TRPV3: variants seen among roughly 807,000 people sequenced by gnomAD.
TRPV3 encodes VRL-3.
In TRPV3, 88 loss-of-function variants were observed where a neutral mutation model predicts 87.1. The observed-to-expected ratio is 1.01, with a 90% CI of 0.85 to 1.21. TRPV3 has a LOEUF of 1.21. Among genes scored for constraint, TRPV3 ranks in the 50% most tolerant of loss-of-function variants. The pLI is 0.00. For synonymous variants in TRPV3, 438 were observed against 423.3 expected (o/e 1.03, Z -0.43); for missense variants, 1,054 against 1,030.1 (o/e 1.02, Z -0.32).
At position 3,545,145 on chromosome 17, in the gene TRPV3, T is replaced by A. The variant is rs775786310; in HGVS notation, c.224+22A>T. 8.2e-6 allele frequency: 13 copies of A among 1,582,418 alleles called. No individual in the cohort carries two copies. In the South Asian group the frequency reaches 1.2e-4, roughly 15 times the overall value. ...TGAGGGCTGGGCCCAGGGCAAGGGGTTGGGCTGGGGCCCGTACTCACCACT... is the reference window on the plus strand; with the variant it reads ...TGAGGGCTGGGCCCAGGGCAAGGGGATGGGCTGGGGCCCGTACTCACCACT... On this transcript the variant is annotated intron_variant, in intron 3 of 17. Transcript: ENST00000576742.
chr17:3,539,039 G>A (rs9902951), intron 6 of TRPV3, among the ~76,000 whole-genome samples: 131,811 of 152,198 alleles, frequency 0.87, 59,745 homozygotes, highest in South Asian at 0.99. Context: ...CTGTCTGTCA[G>A]TGGGGGAGTG....
rs2150811747 is a variant in TRPV3 at position 3,557,147 on chromosome 17, G to A, written c.-3+529C>T. Among the ~76,000 whole-genome samples, 1 of 152,244 alleles carries A rather than the reference G, an allele frequency of 6.6e-6. No homozygotes were observed. Among genetic ancestry groups the A allele is most frequent in the South Asian group, 2.1e-4 (1 of 4,828 alleles). ...ACGTTCTCACCTGCTGGACTCTCTT[G>A]TTGCCCTGGCCCTCCCTCTCTCTCC... On this transcript the variant is annotated intron_variant, in intron 1 of 17. Transcript: ENST00000576742. The surrounding 1 kb of genome is among the most constrained non-coding windows in gnomAD (Gnocchi z 4.5).
intron 7 of TRPV3, among the ~76,000 whole-genome samples, chr17:3,534,522 C>T (rs371556867): frequency 8.5e-5 from 13 of 152,274 alleles, no homozygotes; most frequent in Admixed American, 1.3e-4. Flanking sequence ...TTGTGTGTGA[C>T]GGAGCCATTT....
At chr17:3,549,716 TGGATGGATGGATGGA>T (rs958074800) in intron 2 of TRPV3, among the ~76,000 whole-genome samples, 1 of 149,236 alleles carries the variant, frequency 6.7e-6, no homozygotes, top group Admixed American at 6.7e-5. Flanking sequence ...GATGGATGGA[TGGATGGATGGATGGA>T]GGATGGATGG....
chr17:3,535,181 T>C, intron 7 of TRPV3, among the ~76,000 whole-genome samples: 1 of 79,050 alleles, frequency 1.3e-5, no homozygotes, highest in Non-Finnish European at 2.6e-5. Flanking sequence ...TCCTTCCTCC[T>C]CCCTTCCTCC....
chr17:3,534,890 T>A (rs924779842), intron 7 of TRPV3, among the ~76,000 whole-genome samples: 23 of 152,138 alleles, frequency 1.5e-4, no homozygotes, highest in African/African-American at 5.3e-4. Flanking sequence ...CTCCTCAGCC[T>A]CCCTCCCAGG....
chr17:3,540,993 G>A (rs372955794), intron 6 of TRPV3, among the ~76,000 whole-genome samples: 2 of 152,318 alleles, frequency 1.3e-5, no homozygotes, highest in South Asian at 2.1e-4. Flanking sequence ...TTGAAAGTCT[G>A]CAGAGTTCAA....
At chr17:3,555,462 A>G (rs1445090016) in intron 1 of TRPV3, among the ~76,000 whole-genome samples, 1 of 152,124 alleles carries the variant, frequency 6.6e-6, no homozygotes, top group Non-Finnish European at 1.5e-5. Context: ...CAACACACCG[A>G]TCATCTCCCC....
intron 15 of TRPV3, 64 bp from the exon 16 acceptor site, chr17:3,516,633 A>G: frequency 8.2e-7 from 1 of 1,216,302 alleles, no homozygotes; most frequent in Non-Finnish European, 1.2e-6. Context: ...AAGGGCACAC[A>G]CACTGTCGGG....
At chr17:3,536,855 A>T (rs1048600322) in intron 6 of TRPV3, among the ~76,000 whole-genome samples, 2 of 152,152 alleles carry the variant, frequency 1.3e-5, no homozygotes, top group East Asian at 3.9e-4. Flanking sequence ...TTCCAGATGG[A>T]AGGGACCAGA....
In TRPV3 at chr17:3,545,225, C is replaced by A. The variant is rs1332491158; in HGVS notation, c.166G>T (p.Val56Phe). 6.2e-7 allele frequency: 1 copy of A among 1,613,992 alleles called. No individual in the cohort carries two copies. The highest frequency in any genetic ancestry group is 1.3e-5 in the African/African-American group (1 of 75,040). The part of the protein sequence containing the change: ...EIEGFEPNPT[V>F]AKTSPPVFSK... ...AAGACAGGAGGAGAGGTCTTGGCAA[C>A]TGTGGGGTTGGGTTCAAACCCTTCT... Residue 56 changes from valine (V) to phenylalanine (F), a missense_variant, in exon 3 of 18, where the codon GTT becomes TTT. Physicochemically the swap from Val to Phe is conservative, Grantham distance 50 (BLOSUM62 -1). Transcript: ENST00000576742.
In TRPV3 at chr17:3,530,499, G is replaced by GGGC. The variant is rs546236240; in HGVS notation, c.1066-297_1066-296insGCC. Among the ~76,000 whole-genome samples the GGGC allele has an allele frequency of 2.4e-3, 359 of 152,104 alleles. No individual in the cohort carries two copies. Among genetic ancestry groups the GGGC allele is most frequent in the Non-Finnish European group, 3.8e-3 (258 of 67,846 alleles). Reference sequence around the variant, plus strand: ...CAGCTTGAAATGCCTCACGCCAGCTGGGGACCCGGTTCGGTGAAAAATCCA... The same window carrying GGGC: ...CAGCTTGAAATGCCTCACGCCAGCTGGGCGGGACCCGGTTCGGTGAAAAATCCA... On this transcript the variant is annotated intron_variant, in intron 8 of 17. Transcript: ENST00000576742. The surrounding 1 kb of genome is among the most constrained non-coding windows in gnomAD (Gnocchi z 4.0).
chr17:3,521,268 G>T (rs1048514601), intron 13 of TRPV3, among the ~76,000 whole-genome samples: 3 of 152,044 alleles, frequency 2.0e-5, no homozygotes, highest in Non-Finnish European at 4.4e-5. Context: ...TCTTCTCCCT[G>T]TGATTCACCC....
At chr17:3,522,562 C>G (rs186679270) in intron 13 of TRPV3, among the ~76,000 whole-genome samples, 6 of 151,194 alleles carry the variant, frequency 4.0e-5, no homozygotes, top group African/African-American at 7.3e-5. Flanking sequence ...TTCCCCCCCC[C>G]ACCCCCCAGC....
In TRPV3 at chr17:3,556,196, A is replaced by T. The variant is rs911529013; in HGVS notation, c.-2-1344T>A. On this transcript the variant is annotated intron_variant, in intron 1 of 17. Coordinates refer to ENST00000576742, the MANE Select transcript of TRPV3 (RefSeq NM_145068.4). This position sits in a 1 kb window ranked among gnomAD's most constrained non-coding sequence, Gnocchi z 4.2. ...CGTCTCAAAAAAAATGAAAAAAAAAAAAAATAAAGTTTTTATTAAACATAA... is the reference window on the plus strand; with the variant it reads ...CGTCTCAAAAAAAATGAAAAAAAAATAAAATAAAGTTTTTATTAAACATAA... Among the ~76,000 whole-genome samples, 34 of 151,816 alleles carry T rather than the reference A, an allele frequency of 2.2e-4. No individual in the cohort carries two copies. The highest frequency in any genetic ancestry group is 5.2e-4 in the Admixed American group (8 of 15,258).
At chr17:3,541,017 A>G (rs1315332591) in intron 6 of TRPV3, among the ~76,000 whole-genome samples, 1 of 152,172 alleles carries the variant, frequency 6.6e-6, no homozygotes, top group African/African-American at 2.4e-5. Flanking sequence ...ATAAATCACA[A>G]TTACTTTCTC....
At chr17:3,522,884 A>AT in intron 13 of TRPV3, among the ~76,000 whole-genome samples, 1 of 152,238 alleles carries the variant, frequency 6.6e-6, no homozygotes, top group East Asian at 1.9e-4. Flanking sequence ...ATTTACAATA[A>AT]ACTGTATTGT....
At chr17:3,533,172 C>A (rs2074366441) in intron 7 of TRPV3, among the ~76,000 whole-genome samples, 1 of 152,198 alleles carries the variant, frequency 6.6e-6, no homozygotes, top group Non-Finnish European at 1.5e-5. Flanking sequence ...GCACAGCAGC[C>A]AGACCAACCT....
At position 3,513,934 on chromosome 17, in the gene TRPV3, G is replaced by A. The variant is rs2074147043; in HGVS notation, c.2356C>T (p.Pro786Ser). ...TTCCGCTTCTACACCGAGGTTTCCG[G>A]GAATTCCTCGACTTCTTCAAATGCA... ...LNAFEEVEEF[P>S]ETSV The change falls in exon 18 of 18, where the codon CCG becomes TCG. Residue 786 changes from proline (P) to serine (S), a missense_variant. Coordinates refer to ENST00000576742, the MANE Select transcript of TRPV3 (RefSeq NM_145068.4). 6.2e-7 allele frequency: 1 copy of A among 1,614,074 alleles called. No homozygotes were observed. Among genetic ancestry groups the A allele is most frequent in the South Asian group, 1.1e-5 (1 of 91,070 alleles).
Sources: allele counts gnomAD v4.1 joint callset (sites outside exome capture counted in the v4.1 genomes callset), GRCh38; gene constraint gnomAD v4.1.1; non-coding constraint Gnocchi (gnomAD v3.1); transcripts MANE v1.5; gene names NCBI Gene and HGNC (gene_info 2026-07-23, HGNC 2026-07-21).